The following CGREF1 variants were observed in gnomAD, a reference collection of about 807,000 sequenced individuals.
The protein encoded by CGREF1 is cell growth regulator with EF hand domain protein 1.
Under a neutral mutation model 17.4 loss-of-function variants are expected in CGREF1, and 16 were observed. The observed-to-expected ratio is 0.92, with a 90% CI of 0.62 to 1.40. CGREF1 has a LOEUF of 1.40. Among genes scored for constraint, CGREF1 ranks in the 40% most tolerant of loss-of-function variants. The probability of loss-of-function intolerance (pLI) is 0.00; values close to 1 mark genes in which losing one functional copy is unlikely to be tolerated. For synonymous variants in CGREF1, 142 were observed against 154.6 expected, an observed-to-expected ratio of 0.92 and a Z score of 0.61; for missense variants, 296 against 376.4, an observed-to-expected ratio of 0.79 and a Z score of 1.77.
At chr2:27,102,263 G>A (rs1441664607) in intron 4 of CGREF1, 42 bp from the exon 5 acceptor site, 2 of 1,611,152 alleles carry the variant, frequency 1.2e-6, no homozygotes, top group Admixed American at 1.7e-5. Flanking sequence ...TGCCGGGGGA[G>A]GTGGAGAAGG....
At chr2:27,118,398 A>G (rs1423119538) in intron 1 of CGREF1, among the ~76,000 whole-genome samples, 1 of 152,082 alleles carries the variant, frequency 6.6e-6, no homozygotes, top group Non-Finnish European at 1.5e-5. Flanking sequence ...CCATCCCCCA[A>G]GAAAGGAGAC....
chr2:27,111,512 C>G (rs1432562067), intron 1 of CGREF1, among the ~76,000 whole-genome samples: 2 of 152,248 alleles, frequency 1.3e-5, no homozygotes, highest in African/African-American at 4.8e-5. Context: ...ACCCTGCGCC[C>G]GCACTCCTCA....
intron 1 of CGREF1, among the ~76,000 whole-genome samples, chr2:27,106,528 C>G (rs1671125782): frequency 6.6e-6 from 1 of 152,122 alleles, no homozygotes; most frequent in South Asian, 2.1e-4. Context: ...AAGAATTTTG[C>G]CTTTCTTGAT....
chr2:27,117,207 G>A (rs1400213424), intron 1 of CGREF1, among the ~76,000 whole-genome samples: 1 of 152,082 alleles, frequency 6.6e-6, no homozygotes, highest in Non-Finnish European at 1.5e-5. Context: ...CACTGCACCT[G>A]GCCAATATTC....
At chr2:27,110,181 C>CAA (rs1234844746) in intron 1 of CGREF1, among the ~76,000 whole-genome samples, 1 of 151,728 alleles carries the variant, frequency 6.6e-6, no homozygotes, top group Non-Finnish European at 1.5e-5. Context: ...AACATAGTCT[C>CAA]TGTTTGAGCC....
chr2:27,101,562 C>T lies in CGREF1; in HGVS notation c.669G>A (p.Gly223=). The stretch of plus-strand genomic sequence containing the variant: ...TAGCCTCTGCCTGGCCCTCAGCTTC[C>T]CCTCTGGGCCCTGGAACATCTCCAT... The part of the protein sequence containing the change: ...EADGDVPGPR[G]EAEGQAEAKG... Residue 223 remains glycine, a synonymous_variant, in exon 6 of 6, where the codon GGG becomes GGA. Coordinates refer to ENST00000402394, the MANE Select transcript of CGREF1 (RefSeq NM_006569.6). 6.2e-7 allele frequency: 1 copy of T among 1,613,150 alleles called. No individual in the cohort carries two copies. The highest frequency in any genetic ancestry group is 8.5e-7 in the Non-Finnish European group (1 of 1,179,888).
At chr2:27,116,923 C>CTCTCTCTCTCTCTCTTT (rs1259106800) in intron 1 of CGREF1, among the ~76,000 whole-genome samples, 1 of 53,016 alleles carries the variant, frequency 1.9e-5, no homozygotes, top group Admixed American at 2.7e-4. Flanking sequence ...CTCTCTCTCT[C>CTCTCTCTCTCTCTCTTT]TTTTTTTGAG....
chr2:27,110,691 C>T (rs62128703), intron 1 of CGREF1: 4,845 of 158,468 alleles, frequency 0.031, 109 homozygotes, highest in Middle Eastern at 0.066. Context: ...CCAGTGTGTC[C>T]GGAATTGGTG....
At chr2:27,100,009 T>G (rs766868467), downstream of CGREF1, 740 of 719,232 alleles carry the variant, frequency 1.0e-3, 6 homozygotes, top group Non-Finnish European at 2.5e-4. Flanking sequence ...GGCTGGGCAT[T>G]CCTGAGGCTC....
In CGREF1 at chr2:27,100,610, A is replaced by T; in HGVS notation, c.*664T>A. 8.2e-7 allele frequency: 1 copy of T among 1,216,018 alleles called. No individual in the cohort carries two copies. The highest frequency in any genetic ancestry group is 1.3e-5 in the South Asian group (1 of 77,698). 75.3% of individuals were successfully genotyped at this position (1,216,018 alleles called of 1,614,324 possible). On this transcript the variant is annotated 3_prime_UTR_variant, in exon 6 of 6. Coordinates refer to ENST00000402394, the MANE Select transcript of CGREF1 (RefSeq NM_006569.6). ...AGACAGACCTGGATTAAAATCTGCC[A>T]TTTAATTAGCTGCATATCACCTTAG...
intron 1 of CGREF1, among the ~76,000 whole-genome samples, chr2:27,118,381 C>G (rs1671665682): frequency 6.6e-6 from 1 of 152,148 alleles, no homozygotes; most frequent in Non-Finnish European, 1.5e-5. Context: ...CTTGTGCCTC[C>G]CAGCACCCAT....
At chr2:27,105,368 A>C (rs1671077317) in intron 1 of CGREF1, among the ~76,000 whole-genome samples, 2 of 152,192 alleles carry the variant, frequency 1.3e-5, no homozygotes, top group Non-Finnish European at 2.9e-5. Flanking sequence ...AAGGTTCAGA[A>C]CCACTGCCAG....
intron 1 of CGREF1, among the ~76,000 whole-genome samples, chr2:27,107,254 T>TTTTTTTTTTG (rs112330663): frequency 6.6e-6 from 1 of 151,356 alleles, no homozygotes; most frequent in Admixed American, 6.6e-5. Context: ...GTTCACATTT[T>TTTTTTTTTTG]TTTTGTTTTG....
intron 1 of CGREF1, among the ~76,000 whole-genome samples, chr2:27,115,041 C>G (rs1277434157): frequency 6.6e-6 from 1 of 152,156 alleles, no homozygotes; most frequent in Non-Finnish European, 1.5e-5. Flanking sequence ...GGCCCATTAT[C>G]CTTTTAAGCC....
In CGREF1 at chr2:27,100,952, C is replaced by T; in HGVS notation, c.*322G>A. On this transcript the variant is annotated 3_prime_UTR_variant, in exon 6 of 6. Transcript: ENST00000402394. ...CCGGCCATGGCTAGCACCATGCGCT[C>T]TGCTGCCGGAGCACCGTGAGGCCCA... The T allele has an allele frequency of 8.7e-7, 1 of 1,144,170 alleles. No individual in the cohort carries two copies. Among genetic ancestry groups the T allele is most frequent in the Non-Finnish European group, 1.1e-6 (1 of 930,658 alleles). 70.9% of individuals were successfully genotyped at this position (1,144,170 alleles called of 1,614,324 possible). A position where few individuals can be genotyped will look rare whatever the true frequency, so the allele number is the denominator to read the frequency against.
chr2:27,099,687 G>C, downstream of CGREF1: 1 of 1,614,186 alleles, frequency 6.2e-7, no homozygotes, highest in Non-Finnish European at 8.5e-7. Context: ...AGGAAGCACT[G>C]AGATTCGGGT....
Position 27,101,125 on chromosome 2 carries a change from C to G in CGREF1, c.*149G>C, listed in dbSNP as rs115915645. ...GGTAATCTGCCCCTTAACTTAGGGTCTCCCTGAGCTGCACAGAAAGACCTG... is the reference window on the plus strand; with the variant it reads ...GGTAATCTGCCCCTTAACTTAGGGTGTCCCTGAGCTGCACAGAAAGACCTG... On this transcript the variant is annotated 3_prime_UTR_variant, in exon 6 of 6. Transcript: ENST00000402394. 7 of 1,415,232 alleles carry G rather than the reference C, an allele frequency of 4.9e-6. No individual in the cohort carries two copies. In the East Asian group the frequency reaches 1.8e-4, roughly 36 times the overall value. The allele number at this position is 1,415,232 out of a possible 1,614,324, so 87.7% of individuals were successfully genotyped here. A position where few individuals can be genotyped will look rare whatever the true frequency, so the allele number is the denominator to read the frequency against.
intron 1 of CGREF1, among the ~76,000 whole-genome samples, chr2:27,113,056 G>C (rs1671450034): frequency 1.3e-5 from 2 of 152,212 alleles, no homozygotes; most frequent in Non-Finnish European, 2.9e-5. Context: ...CCTGCCTACA[G>C]GGTGCCTGGG....
intron 1 of CGREF1, among the ~76,000 whole-genome samples, chr2:27,107,061 C>T (rs1432176789): frequency 1.3e-5 from 2 of 152,210 alleles, no homozygotes; most frequent in Non-Finnish European, 2.9e-5. Context: ...TGGAGCAACT[C>T]TAATCCAGGC....
Sources: allele counts gnomAD v4.1 joint callset (sites outside exome capture counted in the v4.1 genomes callset), GRCh38; gene constraint gnomAD v4.1.1; transcripts MANE v1.5; gene names NCBI Gene and HGNC (gene_info 2026-07-23, HGNC 2026-07-21).